GTF2IRD2B: variants seen among roughly 807,000 people sequenced by gnomAD.
GTF2IRD2B encodes the protein GTF2I repeat domain containing 2B.
A neutral mutation model predicts 55.6 loss-of-function variants in GTF2IRD2B; 10 were observed. The ratio of observed to expected loss-of-function variants is 0.18; its 90% CI spans 0.11 to 0.31. The LOEUF is 0.31. Ranked by LOEUF, GTF2IRD2B falls within the 10% of genes least tolerant of loss-of-function variation. The pLI is 1.00. For missense variants in GTF2IRD2B, 206 were observed against 802.7 expected (o/e 0.26, Z 8.98); for synonymous variants, 107 against 320.5 (o/e 0.33, Z 7.12).
At chr7:75,121,190 C>A (rs1291157881) in intron 4 of GTF2IRD2B, among the ~76,000 whole-genome samples, 180 bp downstream of exon 4, 1 of 150,616 alleles carries the variant, frequency 6.6e-6, no homozygotes, top group Non-Finnish European at 1.5e-5. Flanking sequence ...GCGCCCACCA[C>A]CACACCCAGC....
intron 8 of GTF2IRD2B, among the ~76,000 whole-genome samples, chr7:75,127,461 G>A (rs868912863): frequency 0.016 from 1,662 of 106,834 alleles, 14 homozygotes; most frequent in Middle Eastern, 0.087. Context: ...AGAGAGAGAC[G>A]TTGTCTCAAA....
Position 75,136,281 on chromosome 7 carries a change from A to G in GTF2IRD2B, c.806-504A>G, listed in dbSNP as rs1231880228. Among the ~76,000 whole-genome samples the G allele has an allele frequency of 3.5e-4, 49 of 138,466 alleles. No homozygotes were observed. In the East Asian group the frequency reaches 9.0e-3, roughly 25 times the overall value. The allele number at this position is 138,466 out of a possible 152,430, so 90.8% of individuals were successfully genotyped here. A position where few individuals can be genotyped will look rare whatever the true frequency, so the allele number is the denominator to read the frequency against. On this transcript the variant is annotated intron_variant, in intron 10 of 15. Coordinates refer to ENST00000472837, the MANE Select transcript of GTF2IRD2B (RefSeq NM_001003795.3). ...GCCTTAGAGAGATAGTGACACATGGACTACCAAAATGATTCTGTTTTTTTT... is the reference window on the plus strand; with the variant it reads ...GCCTTAGAGAGATAGTGACACATGGGCTACCAAAATGATTCTGTTTTTTTT...
chr7:75,123,084 C>T, intron 4 of GTF2IRD2B, 52 bp from the exon 5 acceptor site: 2 of 1,515,664 alleles, frequency 1.3e-6, no homozygotes, highest in Non-Finnish European at 1.8e-6. Flanking sequence ...AAAAAAAAAA[C>T]TGGTAGAACG....
chr7:75,113,647 A>G lies in GTF2IRD2B; in HGVS notation c.238+1112A>G, dbSNP rs587746060. 1.1e-4 allele frequency among the ~76,000 whole-genome samples: 16 copies of G among 150,536 alleles called. No individual in the cohort carries two copies. The South Asian group carries it at 2.7e-3, about 26-fold the overall frequency. ...CCCGGTCTCAAGACAAAACAAAACTAGACAAAAAACTACACCTTTTATGGT... is the reference window on the plus strand; with the variant it reads ...CCCGGTCTCAAGACAAAACAAAACTGGACAAAAAACTACACCTTTTATGGT... On this transcript the variant is annotated intron_variant, in intron 3 of 15. Transcript: ENST00000472837.
At chr7:75,117,530 C>T (rs1808202995) in intron 3 of GTF2IRD2B, among the ~76,000 whole-genome samples, 1 of 152,304 alleles carries the variant, frequency 6.6e-6, no homozygotes, top group Non-Finnish European at 1.5e-5. Context: ...CCACCACACA[C>T]AGCTTCCCAG....
At chr7:75,105,229 C>T (rs1372263654) in intron 1 of GTF2IRD2B, among the ~76,000 whole-genome samples, 10 of 152,286 alleles carry the variant, frequency 6.6e-5, no homozygotes, top group Non-Finnish European at 1.0e-4. Context: ...ACAGACCAGG[C>T]ATGGTGGCTC....
chr7:75,113,805 TG>T (rs1808046638), intron 3 of GTF2IRD2B, among the ~76,000 whole-genome samples: 1 of 137,734 alleles, frequency 7.3e-6, no homozygotes, highest in African/African-American at 2.8e-5. Context: ...TGTGTGTGTG[TG>T]TGTGTGTGTG....
At chr7:75,130,110 TTTC>T (rs1198513811) in intron 8 of GTF2IRD2B, among the ~76,000 whole-genome samples, 1 of 107,528 alleles carries the variant, frequency 9.3e-6, no homozygotes, top group Non-Finnish European at 2.0e-5. Context: ...TCTTTCTTTC[TTTC>T]TTTCTTTCTT....
At chr7:75,112,646 T>C (rs1474721830) in intron 3 of GTF2IRD2B, 111 bp downstream of exon 3, 20 of 1,556,114 alleles carry the variant, frequency 1.3e-5, no homozygotes, top group Admixed American at 3.5e-5. Context: ...GAAACGATCC[T>C]AACACATCTT....
chr7:75,121,147 C>T lies in GTF2IRD2B; in HGVS notation c.358+137C>T. On this transcript the variant is annotated intron_variant, in intron 4 of 15. Transcript: ENST00000472837. The stretch of plus-strand genomic sequence containing the variant: ...CGCCTCCTGGGTTCAAGCAATTCTC[C>T]TGCCTTAGCCTCCCAAGTAGCTGGG... 5.2e-6 allele frequency: 5 copies of T among 959,392 alleles called. No individual in the cohort carries two copies. The South Asian group carries it at 8.2e-5, about 16-fold the overall frequency. The allele number at this position is 959,392 out of a possible 1,614,324, so 59.4% of individuals were successfully genotyped here. A position where few individuals can be genotyped will look rare whatever the true frequency, so the allele number is the denominator to read the frequency against.
Position 75,148,338 on chromosome 7 carries a change from C to T in GTF2IRD2B, c.1891C>T (p.Leu631Phe), listed in dbSNP as rs1809219882. The stretch of plus-strand genomic sequence containing the variant: ...AGCGATGGTGGATGCCAATAACGGG[C>T]TTGTCACAAAACTGAAGTCCAGGGT... ...TPAMVDANNG[L>F]VTKLKSRVAT... The change falls in exon 16 of 16, where the codon CTT (leucine) becomes TTT (phenylalanine). Residue 631 changes from leucine to phenylalanine, a missense_variant. By Grantham distance (22) the Leu-to-Phe change is conservative. Transcript: ENST00000472837. 1.9e-6 allele frequency: 3 copies of T among 1,613,302 alleles called. No individual in the cohort carries two copies. Among genetic ancestry groups the T allele is most frequent in the Non-Finnish European group, 2.5e-6 (3 of 1,179,776 alleles).
chr7:75,107,090 G>T (rs1404127911), intron 1 of GTF2IRD2B, among the ~76,000 whole-genome samples: 5 of 151,724 alleles, frequency 3.3e-5, no homozygotes, highest in African/African-American at 4.8e-5. Context: ...AAGTGAAATA[G>T]TGTGGTAGCT....
At chr7:75,121,042 T>A in intron 4 of GTF2IRD2B, 32 bp downstream of exon 4, 1 of 1,605,170 alleles carries the variant, frequency 6.2e-7, no homozygotes, top group Non-Finnish European at 8.5e-7. Flanking sequence ...AATTCTATTT[T>A]TTTTTTTTTT....
At chr7:75,106,384 CAA>C (rs1302408825) in intron 1 of GTF2IRD2B, among the ~76,000 whole-genome samples, 1 of 151,874 alleles carries the variant, frequency 6.6e-6, no homozygotes, top group Non-Finnish European at 1.5e-5. Context: ...GCCTGGGTGA[CAA>C]GAGTGAAACT....
chr7:75,114,238 G>A (rs1421621732), intron 3 of GTF2IRD2B, among the ~76,000 whole-genome samples: 4 of 151,318 alleles, frequency 2.6e-5, no homozygotes, highest in Admixed American at 1.3e-4. Flanking sequence ...AATACAGTAT[G>A]TAACTGATAC....
At chr7:75,118,074 C>CAAAAA (rs57631816) in intron 3 of GTF2IRD2B, among the ~76,000 whole-genome samples, 4 of 103,814 alleles carry the variant, frequency 3.9e-5, no homozygotes, top group Non-Finnish European at 8.1e-5. Flanking sequence ...CAGAGCAAGA[C>CAAAAA]AAAAAAAAAA....
intron 1 of GTF2IRD2B, among the ~76,000 whole-genome samples, chr7:75,107,432 A>G (rs1429354516): frequency 6.8e-6 from 1 of 146,166 alleles, no homozygotes; most frequent in Non-Finnish European, 1.5e-5. Flanking sequence ...AAAATTAGCC[A>G]GGCGTGGTGG....
At chr7:75,130,138 TTTC>T (rs1808624564) in intron 8 of GTF2IRD2B, among the ~76,000 whole-genome samples, 1 of 106,152 alleles carries the variant, frequency 9.4e-6, no homozygotes, top group Non-Finnish European at 2.0e-5. Flanking sequence ...TCTTTCTTTC[TTTC>T]TTTCTTTCCT....
intron 3 of GTF2IRD2B, among the ~76,000 whole-genome samples, chr7:75,117,426 C>T (rs879993913): frequency 9.3e-4 from 142 of 152,328 alleles, no homozygotes; most frequent in East Asian, 4.1e-3. Context: ...ACCCGGGAGG[C>T]GGAGGTTGCA....
Sources: gnomAD v4.1 joint callset for allele counts (sites outside exome capture counted in the v4.1 genomes callset) on GRCh38, gnomAD v4.1.1 for gene constraint, MANE v1.5 for transcripts, NCBI Gene and HGNC (gene_info 2026-07-23, HGNC 2026-07-21) for gene names.